CMKLR1: variants seen among roughly 807,000 people sequenced by gnomAD.
CMKLR1 encodes chemerin-like receptor 1.
CMKLR1 carries 6 observed loss-of-function variants against 8.2 expected under a neutral mutation model. That is an observed-to-expected ratio of 0.73 (90% CI 0.40 to 1.44). The LOEUF is 1.44. Ranked by LOEUF, CMKLR1 falls within the 40% of genes most tolerant of loss-of-function variation. The pLI, the probability that CMKLR1 is intolerant of heterozygous loss-of-function variation, is 0.02. For missense variants in CMKLR1, 429 were observed against 478.0 expected (o/e 0.90, Z 0.96); for synonymous variants, 178 against 181.2 (o/e 0.98, Z 0.14).
intron 2 of CMKLR1, among the ~76,000 whole-genome samples, chr12:108,320,924 G>A (rs114591992): frequency 0.013 from 1,905 of 152,334 alleles, 41 homozygotes; most frequent in African/African-American, 0.043. Context: ...ATGGTATTGT[G>A]GTGGATGTTT....
At chr12:108,306,289 G>A (rs554370483) in intron 2 of CMKLR1, among the ~76,000 whole-genome samples, 4 of 152,286 alleles carry the variant, frequency 2.6e-5, no homozygotes, top group African/African-American at 7.2e-5. Flanking sequence ...CTCAGTCTAG[G>A]AACAGTGAGT....
At chr12:108,331,679 T>A (rs886757968) in intron 1 of CMKLR1, among the ~76,000 whole-genome samples, 4 of 152,200 alleles carry the variant, frequency 2.6e-5, no homozygotes, top group Non-Finnish European at 5.9e-5. Flanking sequence ...GAGCTCAGCG[T>A]CTTTAAAAAT....
At chr12:108,294,638 A>G (rs1891082109) in intron 2 of CMKLR1, among the ~76,000 whole-genome samples, 1 of 152,230 alleles carries the variant, frequency 6.6e-6, no homozygotes, top group East Asian at 1.9e-4. Context: ...GTATTGGCAC[A>G]TAGTAAGCCC....
intron 2 of CMKLR1, among the ~76,000 whole-genome samples, chr12:108,326,724 G>C (rs1378538168): frequency 6.6e-6 from 1 of 152,174 alleles, no homozygotes; most frequent in Non-Finnish European, 1.5e-5. Context: ...TCACACACAG[G>C]GGAAAGCTGG....
At chr12:108,305,758 G>A (rs1402890444) in intron 2 of CMKLR1, among the ~76,000 whole-genome samples, 3 of 152,186 alleles carry the variant, frequency 2.0e-5, no homozygotes, top group African/African-American at 7.2e-5. Context: ...CCCACATGTG[G>A]GAGCTCGCAC....
chr12:108,328,249 G>A (rs1056489242), intron 2 of CMKLR1, among the ~76,000 whole-genome samples: 3 of 152,312 alleles, frequency 2.0e-5, no homozygotes, highest in East Asian at 1.9e-4. Context: ...AGCCTGGAAC[G>A]AAACTATGAC....
intron 2 of CMKLR1, among the ~76,000 whole-genome samples, chr12:108,309,618 A>G (rs1891499121): frequency 6.6e-6 from 1 of 152,094 alleles, no homozygotes; most frequent in South Asian, 2.1e-4. Flanking sequence ...TGGCCCAGTC[A>G]CTACCTTCAT....
intron 2 of CMKLR1, among the ~76,000 whole-genome samples, chr12:108,311,203 T>C (rs1467083345): frequency 1.3e-5 from 2 of 152,324 alleles, no homozygotes; most frequent in Admixed American, 1.3e-4. Flanking sequence ...GCCACAGTTA[T>C]ACAGCAAAAT....
At chr12:108,312,310 T>G (rs1211170275) in intron 2 of CMKLR1, among the ~76,000 whole-genome samples, 2 of 152,186 alleles carry the variant, frequency 1.3e-5, no homozygotes, top group Non-Finnish European at 2.9e-5. Context: ...GCATCGTGGA[T>G]GGGCTGACAG....
At chr12:108,305,007 C>T (rs1398550090) in intron 2 of CMKLR1, among the ~76,000 whole-genome samples, 1 of 152,226 alleles carries the variant, frequency 6.6e-6, no homozygotes, top group Non-Finnish European at 1.5e-5. Context: ...CCCACATGAC[C>T]CACCCTGACA....
intron 2 of CMKLR1, among the ~76,000 whole-genome samples, chr12:108,323,381 C>G (rs557443333): frequency 6.6e-6 from 1 of 151,816 alleles, no homozygotes; most frequent in Non-Finnish European, 1.5e-5. Flanking sequence ...TGTGGCTTAT[C>G]TGCAGACTGG....
chr12:108,318,124 G>A (rs1290741805), intron 2 of CMKLR1, among the ~76,000 whole-genome samples: 1 of 152,158 alleles, frequency 6.6e-6, no homozygotes, highest in South Asian at 2.1e-4. Context: ...CTAGTCCCAG[G>A]GATGGGCACT....
intron 2 of CMKLR1, among the ~76,000 whole-genome samples, chr12:108,322,178 ATGTTAAT>A (rs1371193006): frequency 6.6e-6 from 1 of 152,136 alleles, no homozygotes; most frequent in Non-Finnish European, 1.5e-5. Context: ...GAGGGCTAGG[ATGTTAAT>A]TCTGAGTCCC....
rs559376269 is a variant in CMKLR1 at position 108,312,617 on chromosome 12, T to C, written c.-74+17378A>G. ...TTTTTCAGATGTGGAAATCAAGCCA[T>C]AGAGAAGCAAGGGCACTGGCCCAAG... On this transcript the variant is annotated intron_variant, in intron 2 of 3. Transcript: ENST00000550402. Among the ~76,000 whole-genome samples the C allele has an allele frequency of 5.3e-5, 8 of 152,292 alleles. No homozygotes were observed. In the South Asian group the frequency reaches 1.7e-3, roughly 32 times the overall value.
At chr12:108,333,767 C>T (rs1466986209) in intron 1 of CMKLR1, among the ~76,000 whole-genome samples, 1 of 152,252 alleles carries the variant, frequency 6.6e-6, no homozygotes, top group African/African-American at 2.4e-5. Context: ...GTCAACATTT[C>T]TTTCTCTGAT....
chr12:108,326,774 C>T (rs983858626), intron 2 of CMKLR1, among the ~76,000 whole-genome samples: 4 of 152,170 alleles, frequency 2.6e-5, no homozygotes, highest in African/African-American at 9.7e-5. Flanking sequence ...GAGGTGATTG[C>T]AGAATTCAAT....
At chr12:108,324,182 T>A (rs1201125960) in intron 2 of CMKLR1, among the ~76,000 whole-genome samples, 2 of 152,222 alleles carry the variant, frequency 1.3e-5, no homozygotes, top group Non-Finnish European at 2.9e-5. Flanking sequence ...CTGCATGTGA[T>A]CACGCTTGTT....
chr12:108,316,619 A>G (rs1294802198), intron 2 of CMKLR1, among the ~76,000 whole-genome samples: 1 of 152,220 alleles, frequency 6.6e-6, no homozygotes, highest in Non-Finnish European at 1.5e-5. Flanking sequence ...ACAAGACCCC[A>G]TGGAGCCACC....
chr12:108,309,179 G>A (rs7976702), intron 2 of CMKLR1, among the ~76,000 whole-genome samples: 2,091 of 152,286 alleles, frequency 0.014, 56 homozygotes, highest in African/African-American at 0.047. Flanking sequence ...AAGCATGCCT[G>A]GTTCATCGGA....
Sources: gnomAD v4.1 joint callset for allele counts (sites outside exome capture counted in the v4.1 genomes callset) on GRCh38, gnomAD v4.1.1 for gene constraint, MANE v1.5 for transcripts, NCBI Gene and HGNC (gene_info 2026-07-23, HGNC 2026-07-21) for gene names.